The following ERBB3 variants were observed in gnomAD, a reference collection of about 807,000 sequenced individuals.
ERBB3 encodes the protein receptor tyrosine-protein kinase erbB-3.
Under a neutral mutation model 156.7 loss-of-function variants are expected in ERBB3, and 96 were observed. The ratio of observed to expected loss-of-function variants is 0.61; its 90% CI spans 0.52 to 0.73. The LOEUF is 0.73. ERBB3 is among the 30% of genes least tolerant of loss of function. The pLI is 0.00. For synonymous variants in ERBB3, 567 were observed against 632.0 expected, an observed-to-expected ratio of 0.90 and a Z score of 1.54; for missense variants, 1,406 against 1,709.4, an observed-to-expected ratio of 0.82 and a Z score of 3.13.
chr12:56,083,182 A>G (rs1868375590), intron 1 of ERBB3: 1 of 179,380 alleles, frequency 5.6e-6, no homozygotes, highest in African/African-American at 2.4e-5. Flanking sequence ...GTCTAGGGAC[A>G]GGGTGGGGCA....
chr12:56,085,102 G>A lies in ERBB3; in HGVS notation c.342G>A (p.Lys114=), dbSNP rs1431677601. 1 of 1,614,120 alleles carries A rather than the reference G, an allele frequency of 6.2e-7. No individual in the cohort carries two copies. The highest frequency in any genetic ancestry group is 8.5e-7 in the Non-Finnish European group (1 of 1,180,014). ...VVRGTQVYDG[K]FAIFVMLNYN... is the part of the protein sequence containing the mutation. ...GAGGGACCCAGGTCTACGATGGGAA[G>A]TTTGCCATCTTCGTCATGTTGAACT... The change falls in exon 3 of 28, where the codon AAG becomes AAA. Residue 114 remains lysine, a synonymous_variant. Transcript: ENST00000267101.
At chr12:56,095,420 C>T (rs1868858542) in intron 16 of ERBB3, 110 bp downstream of exon 16, 1 of 984,032 alleles carries the variant, frequency 1.0e-6, no homozygotes, top group African/African-American at 1.6e-5. Context: ...TTTATGTATG[C>T]AGTCCACTAT....
At chr12:56,096,991 C>A in intron 19 of ERBB3, 54 bp from the exon 20 acceptor site, 2 of 1,575,434 alleles carry the variant, frequency 1.3e-6, no homozygotes, top group Middle Eastern at 1.7e-4. Context: ...TGTGCACATG[C>A]TGAGTGTATG....
intron 9 of ERBB3, among the ~76,000 whole-genome samples, chr12:56,089,654 A>G (rs1286654824): frequency 6.6e-6 from 1 of 152,010 alleles, no homozygotes; most frequent in African/African-American, 2.4e-5. Context: ...CTGAGGCACG[A>G]GAATCACTTG....
intron 27 of ERBB3, 36 bp from the exon 28 acceptor site, chr12:56,101,493 T>C (rs1439412130): frequency 6.2e-7 from 1 of 1,611,314 alleles, no homozygotes; most frequent in Non-Finnish European, 8.5e-7. Flanking sequence ...CCTCATGAAG[T>C]TCTTCACATA....
chr12:56,081,661 C>T (rs1473614860), intron 1 of ERBB3, among the ~76,000 whole-genome samples: 1 of 152,116 alleles, frequency 6.6e-6, no homozygotes, highest in South Asian at 2.1e-4. Flanking sequence ...GCCACCCTCC[C>T]TGGGGAGGCA....
chr12:56,087,589 A>G lies in ERBB3; in HGVS notation c.560A>G (p.His187Arg), dbSNP rs1477646903. 1 of 1,614,054 alleles carries G rather than the reference A, an allele frequency of 6.2e-7. No homozygotes were observed. The highest frequency in any genetic ancestry group is 8.5e-7 in the Non-Finnish European group (1 of 1,179,980). The change falls in exon 5 of 28, where the codon CAT (histidine) becomes CGT (arginine). Residue 187 changes from histidine (H) to arginine (R), a missense_variant. By Grantham distance (29) the His-to-Arg change is conservative. Coordinates refer to ENST00000267101, the MANE Select transcript of ERBB3 (RefSeq NM_001982.4). ...CCTTCCCAACCAGGTCCCCCCTGTC[A>G]TGAGGTTTGCAAGGGGCGATGCTGG... ...KDNGRSCPPC[H>R]EVCKGRCWGP...
intron 15 of ERBB3, 117 bp downstream of exon 15, chr12:56,094,673 CG>C: frequency 8.0e-7 from 1 of 1,257,438 alleles, no homozygotes; most frequent in Non-Finnish European, 1.1e-6. Flanking sequence ...CCCAGCTGGC[CG>C]GGCGCAGTGG....
At position 56,095,732 on chromosome 12, in the gene ERBB3, GGCA is replaced by G; in HGVS notation, c.1982_1984del (p.Gly661_Thr662delinsAla). 1 of 1,614,174 alleles carries G rather than the reference GGCA, an allele frequency of 6.2e-7. No homozygotes were observed. The highest frequency in any genetic ancestry group is 8.5e-7 in the Non-Finnish European group (1 of 1,180,018). ...GGTAGTGATTTTCATGATGCTGGGC[GGCA>G]CTTTTCTCTACTGGCGTGGGCGCCG... On this transcript the variant is annotated inframe_deletion, in exon 17 of 28. Transcript: ENST00000267101.
intron 1 of ERBB3, among the ~76,000 whole-genome samples, chr12:56,080,852 GGTT>G (rs781625634): frequency 3.3e-5 from 5 of 152,296 alleles, no homozygotes; most frequent in East Asian, 1.9e-4. Context: ...GGTTGGAGGG[GGTT>G]GTTGTTCTCT....
intron 9 of ERBB3, among the ~76,000 whole-genome samples, chr12:56,089,407 C>G (rs1389507754): frequency 6.6e-6 from 1 of 152,124 alleles, no homozygotes; most frequent in Non-Finnish European, 1.5e-5. Context: ...CAGCACCCAA[C>G]CTCCTTCTTA....
intron 4 of ERBB3, among the ~76,000 whole-genome samples, chr12:56,087,149 A>AG (rs1385027955): frequency 6.6e-6 from 1 of 151,550 alleles, no homozygotes; most frequent in East Asian, 1.9e-4. Context: ...AAAAAAAAAA[A>AG]AAAAATCCCT....
At chr12:56,096,726 A>C (rs767540617) in intron 18 of ERBB3, 22 bp from the exon 19 acceptor site, 2 of 1,612,814 alleles carry the variant, frequency 1.2e-6, no homozygotes, top group Non-Finnish European at 1.7e-6. Flanking sequence ...CCTTATGCCA[A>C]CTCCTGCCCC....
chr12:56,088,796 G>A lies in ERBB3; in HGVS notation c.1037G>A (p.Ser346Asn), dbSNP rs2136798448. The change falls in exon 9 of 28, where the codon AGC becomes AAC. Residue 346 changes from serine to asparagine, a missense_variant. This residue lies in a region of ERBB3 where 979 missense variants were observed against 1,219.6 expected (regional missense o/e 0.80). Coordinates refer to ENST00000267101, the MANE Select transcript of ERBB3 (RefSeq NM_001982.4). ...AGCCGCTTCCAGACTGTGGACTCGA[G>A]CAACATTGATGGATTTGTGAACTGC... ...SGSRFQTVDS[S>N]NIDGFVNCTK... 1 of 1,614,136 alleles carries A rather than the reference G, an allele frequency of 6.2e-7. No individual in the cohort carries two copies. Among genetic ancestry groups the A allele is most frequent in the Non-Finnish European group, 8.5e-7 (1 of 1,180,030 alleles).
At chr12:56,098,053 G>C in intron 21 of ERBB3, 113 bp downstream of exon 21, 4 of 1,014,468 alleles carry the variant, frequency 3.9e-6, no homozygotes, top group African/African-American at 1.6e-5. Flanking sequence ...TTCAAGGAGA[G>C]AAGGCTGCAG....
intron 3 of ERBB3, 110 bp downstream of exon 3, chr12:56,085,291 T>C: frequency 6.3e-7 from 1 of 1,594,230 alleles, no homozygotes; most frequent in Non-Finnish European, 8.6e-7. Context: ...CCAAGGTGCC[T>C]GTCACCTTGG....
rs1231170513 is a variant in ERBB3 at position 56,101,798 on chromosome 12, G to A, written c.3772G>A (p.Glu1258Lys). Reference protein sequence around the residue: ...IMPTAGTTPDEDYEYMNRQRD... With the variant: ...IMPTAGTTPDKDYEYMNRQRD... ...GCCCACTGCAGGCACAACTCCAGAT[G>A]AAGACTATGAATATATGAATCGGCA... Residue 1258 changes from glutamate (E) to lysine (K), a missense_variant, in exon 28 of 28, where the codon GAA becomes AAA. Glu to Lys is a moderately conservative substitution (Grantham distance 56, BLOSUM62 1). Transcript: ENST00000267101. 1.2e-6 allele frequency: 2 copies of A among 1,613,382 alleles called. No individual in the cohort carries two copies. The highest frequency in any genetic ancestry group is 3.3e-5 in the Admixed American group (2 of 59,906).
In ERBB3 at chr12:56,095,717, T is replaced by C; in HGVS notation, c.1966T>C (p.Phe656Leu). Residue 656 changes from phenylalanine to leucine, a missense_variant, in exon 17 of 28, where the codon TTC becomes CTC. Phe to Leu is a conservative substitution (Grantham distance 22, BLOSUM62 0). This residue lies in a region of ERBB3 where 979 missense variants were observed against 1,219.6 expected (regional missense o/e 0.80). Coordinates refer to ENST00000267101, the MANE Select transcript of ERBB3 (RefSeq NM_001982.4). ...LTVIAGLVVI[F>L]MMLGGTFLYW... ...AGTGATAGCAGGATTGGTAGTGATT[T>C]TCATGATGCTGGGCGGCACTTTTCT... 2 of 1,614,196 alleles carry C rather than the reference T, an allele frequency of 1.2e-6. No individual in the cohort carries two copies. Among genetic ancestry groups the C allele is most frequent in the Non-Finnish European group, 1.7e-6 (2 of 1,180,012 alleles).
chr12:56,080,123 T>G, upstream of ERBB3: 1 of 646,230 alleles, frequency 1.5e-6, no homozygotes, highest in South Asian at 1.7e-5. Flanking sequence ...CACACACCCC[T>G]CCCCTGCCAT....
Sources: gnomAD v4.1 joint callset for allele counts (sites outside exome capture counted in the v4.1 genomes callset) on GRCh38, gnomAD v4.1.1 for gene constraint, gnomAD v4.1.1 regional missense constraint, MANE v1.5 for transcripts, NCBI Gene and HGNC (gene_info 2026-07-23, HGNC 2026-07-21) for gene names.